Variants in WDR19 observed in about 807,000 individuals in gnomAD.
WDR19 encodes the protein WD repeat-containing protein 19.
A neutral mutation model predicts 180.0 loss-of-function variants in WDR19; 121 were observed. That is an observed-to-expected ratio of 0.67 (90% CI 0.58 to 0.78). WDR19 has a LOEUF of 0.78. WDR19 is among the 30% of genes least tolerant of loss of function. The pLI is 0.00. For synonymous variants in WDR19, 497 were observed against 540.7 expected, an observed-to-expected ratio of 0.92 and a Z score of 1.12; for missense variants, 1,450 against 1,640.7, an observed-to-expected ratio of 0.88 and a Z score of 2.01.
At position 39,246,232 on chromosome 4, in the gene WDR19, G is replaced by A. The variant is rs147402035; in HGVS notation, c.2729+780G>A. On this transcript the variant is annotated intron_variant, in intron 24 of 36. Coordinates refer to ENST00000399820, the MANE Select transcript of WDR19 (RefSeq NM_025132.4). The stretch of plus-strand genomic sequence containing the variant: ...TAGAAATGTATCTTTTGGGCTGGGC[G>A]TGGTGGCTCACACCTGCAATCCCTG... Among the ~76,000 whole-genome samples the A allele has an allele frequency of 3.9e-3, 601 of 152,294 alleles. 1 individual carries two copies. The highest frequency in any genetic ancestry group is 0.014 in the African/African-American group (561 of 41,550).
chr4:39,183,713 A>G (rs1415041453), intron 1 of WDR19, among the ~76,000 whole-genome samples: 2 of 152,228 alleles, frequency 1.3e-5, no homozygotes, highest in Non-Finnish European at 2.9e-5. Context: ...TTCATGATTT[A>G]CAGTTGAGAA....
intron 9 of WDR19, among the ~76,000 whole-genome samples, chr4:39,206,698 T>C (rs1346667526): frequency 6.6e-6 from 1 of 152,190 alleles, no homozygotes; most frequent in Non-Finnish European, 1.5e-5. Context: ...CCTAAACATA[T>C]ACCAAAGACC....
intron 4 of WDR19, among the ~76,000 whole-genome samples, chr4:39,192,637 T>A (rs1289923267): frequency 1.3e-5 from 2 of 152,150 alleles, no homozygotes; most frequent in African/African-American, 4.8e-5. Flanking sequence ...AAATTTTGTA[T>A]TTTTAGTAGA....
chr4:39,234,984 A>G, intron 20 of WDR19, 109 bp downstream of exon 20: 1 of 666,590 alleles, frequency 1.5e-6, no homozygotes, highest in East Asian at 2.8e-5. Context: ...TAATTTTTTT[A>G]GAGAAAAAAT....
chr4:39,245,077 C>T (rs1190116097), intron 23 of WDR19, among the ~76,000 whole-genome samples: 2 of 151,628 alleles, frequency 1.3e-5, no homozygotes, highest in African/African-American at 4.8e-5. Flanking sequence ...GCTGGGATTA[C>T]AGGCATGCTG....
intron 1 of WDR19, among the ~76,000 whole-genome samples, chr4:39,183,774 A>T (rs1331593910): frequency 6.6e-6 from 1 of 152,244 alleles, no homozygotes; most frequent in African/African-American, 2.4e-5. Context: ...TACAGCTAAT[A>T]AGCTACAAAC....
intron 5 of WDR19, 63 bp downstream of exon 5, chr4:39,194,722 C>T (rs1269371685): frequency 5.8e-5 from 75 of 1,287,484 alleles, no homozygotes; most frequent in Non-Finnish European, 6.7e-5. Flanking sequence ...TAAATTCTGC[C>T]GCCTCAGGTT....
chr4:39,195,837 T>G (rs531344293), intron 5 of WDR19, among the ~76,000 whole-genome samples: 1 of 152,368 alleles, frequency 6.6e-6, no homozygotes, highest in South Asian at 2.1e-4. Flanking sequence ...TCTTTAATGT[T>G]AACATTAATT....
chr4:39,240,985 A>G (rs985135925), intron 21 of WDR19, among the ~76,000 whole-genome samples: 2 of 150,740 alleles, frequency 1.3e-5, no homozygotes, highest in Non-Finnish European at 3.0e-5. Flanking sequence ...TTCAGTAACC[A>G]TTTTGAAAGT....
chr4:39,215,181 GAGATT>G (rs1287752924), intron 10 of WDR19, among the ~76,000 whole-genome samples: 2 of 152,134 alleles, frequency 1.3e-5, no homozygotes, highest in Admixed American at 6.5e-5. Context: ...CTTTGATCCA[GAGATT>G]TATAGTGAAT....
intron 24 of WDR19, 24 bp downstream of exon 24, chr4:39,245,476 T>C: frequency 6.2e-7 from 1 of 1,602,106 alleles, no homozygotes. Flanking sequence ...CTCAAATTTA[T>C]ACCAATTTAA....
rs1288751943 is a variant in WDR19 at position 39,266,102 on chromosome 4, A to T, written c.3223A>T (p.Ile1075Leu). ...AKDELLTNQLIDHLLGENDGM... is the reference protein window; with the variant it reads ...AKDELLTNQLLDHLLGENDGM... ...AGATGAACTGCTGACCAATCAGCTG[A>T]TAGACCATCTCCTGGGGGAGAACGA... is the stretch of plus-strand genomic sequence containing the variant. The change falls in exon 29 of 37, where the codon ATA becomes TTA. Residue 1075 changes from isoleucine to leucine, a missense_variant. By Grantham distance (5) the Ile-to-Leu change is conservative (BLOSUM62 2). Coordinates refer to ENST00000399820, the MANE Select transcript of WDR19 (RefSeq NM_025132.4). The T allele has an allele frequency of 1.9e-6, 3 of 1,562,126 alleles. No homozygotes were observed. Among genetic ancestry groups the T allele is most frequent in the Non-Finnish European group, 2.6e-6 (3 of 1,152,732 alleles).
intron 36 of WDR19, 79 bp from the exon 37 acceptor site, chr4:39,285,408 G>GTA (rs1266472652): frequency 6.6e-6 from 1 of 152,106 alleles, no homozygotes; most frequent in African/African-American, 2.4e-5. Context: ...ATTCTTTTTA[G>GTA]TATGTTTGGC....
intron 15 of WDR19, among the ~76,000 whole-genome samples, chr4:39,225,798 C>T (rs896425134): frequency 6.6e-6 from 1 of 152,044 alleles, no homozygotes; most frequent in African/African-American, 2.4e-5. Flanking sequence ...GCCCCTTCTT[C>T]CTTTCCTTTC....
At chr4:39,248,831 C>T (rs951223203) in intron 24 of WDR19, among the ~76,000 whole-genome samples, 1 of 152,214 alleles carries the variant, frequency 6.6e-6, no homozygotes, top group Non-Finnish European at 1.5e-5. Context: ...GCAGCCAATA[C>T]AGGAGCACCC....
chr4:39,185,648 G>GAAA, intron 1 of WDR19, 78 bp from the exon 2 acceptor site: 4 of 1,316,736 alleles, frequency 3.0e-6, no homozygotes, highest in Non-Finnish European at 4.3e-6. Flanking sequence ...TGGTTTTCAT[G>GAAA]ACCATGTTTT....
intron 4 of WDR19, among the ~76,000 whole-genome samples, chr4:39,192,871 T>G (rs1006554404): frequency 6.6e-6 from 1 of 152,152 alleles, no homozygotes; most frequent in African/African-American, 2.4e-5. Context: ...GGCCCAGCAG[T>G]TATCCCTCCC....
chr4:39,209,319 C>T (rs1577882798), intron 9 of WDR19, among the ~76,000 whole-genome samples: 1 of 151,756 alleles, frequency 6.6e-6, no homozygotes, highest in Admixed American at 6.6e-5. Context: ...TATCAAAATA[C>T]GTGGGAGGCA....
intron 28 of WDR19, among the ~76,000 whole-genome samples, chr4:39,264,586 C>G (rs1734602075): frequency 6.6e-6 from 1 of 152,182 alleles, no homozygotes; most frequent in African/African-American, 2.4e-5. Context: ...GTGTAGCAAG[C>G]AAGGCCATGT....
Sources: gnomAD v4.1 joint callset for allele counts (sites outside exome capture counted in the v4.1 genomes callset) on GRCh38, gnomAD v4.1.1 for gene constraint, MANE v1.5 for transcripts, NCBI Gene and HGNC (gene_info 2026-07-23, HGNC 2026-07-21) for gene names.